Variants in BPI observed in about 807,000 individuals in gnomAD.
The protein encoded by BPI is bactericidal permeability-increasing protein.
In BPI, 48 loss-of-function variants were observed where a neutral mutation model predicts 57.6. The ratio of observed to expected loss-of-function variants is 0.83; its 90% CI spans 0.66 to 1.06. BPI has a LOEUF of 1.06. Among genes scored for constraint, BPI ranks in the 50% least tolerant of loss-of-function variants. The probability of loss-of-function intolerance (pLI) is 0.00; values close to 1 mark genes in which losing one functional copy is unlikely to be tolerated. For missense variants in BPI, 651 were observed against 609.7 expected (o/e 1.07, Z -0.71); for synonymous variants, 237 against 238.2 (o/e 0.99, Z 0.05).
At chr20:38,317,933 G>T in intron 5 of BPI, 1 of 985,272 alleles carries the variant, frequency 1.0e-6, no homozygotes, top group Non-Finnish European at 1.2e-6. Flanking sequence ...GGCTTCTCTG[G>T]CCATACATAC....
At chr20:38,323,148 A>G (rs1295267376) in intron 7 of BPI, among the ~76,000 whole-genome samples, 1 of 152,040 alleles carries the variant, frequency 6.6e-6, no homozygotes, top group Non-Finnish European at 1.5e-5. Flanking sequence ...CCCCAGAACC[A>G]TGTTGATGAT....
chr20:38,319,989 GGTGTCT>G (rs2076672900), intron 6 of BPI, 188 bp from the exon 7 acceptor site: 4 of 596,014 alleles, frequency 6.7e-6, no homozygotes, highest in Non-Finnish European at 1.2e-5. Flanking sequence ...AGAGTAAGGG[GGTGTCT>G]GTGAATGTGG....
At chr20:38,328,295 G>A (rs1437701902) in intron 11 of BPI, among the ~76,000 whole-genome samples, 1 of 151,626 alleles carries the variant, frequency 6.6e-6, no homozygotes, top group East Asian at 2.0e-4. Flanking sequence ...GCTCACGCCT[G>A]TAATCCCAGC....
At chr20:38,326,579 A>T in intron 10 of BPI, 147 bp downstream of exon 10, 1 of 985,102 alleles carries the variant, frequency 1.0e-6, no homozygotes, top group Non-Finnish European at 1.4e-6. Flanking sequence ...ACTGTACTCA[A>T]TGGTGCCGAC....
chr20:38,328,040 C>G (rs748638195), intron 11 of BPI, among the ~76,000 whole-genome samples: 15 of 152,204 alleles, frequency 9.9e-5, no homozygotes, highest in Admixed American at 9.8e-4. Context: ...TTCCTTGACA[C>G]TAGGAGATCC....
intron 5 of BPI, among the ~76,000 whole-genome samples, chr20:38,315,376 GC>G (rs961719156): frequency 2.6e-5 from 4 of 152,170 alleles, no homozygotes; most frequent in Non-Finnish European, 5.9e-5. Flanking sequence ...CAGGGAGTCT[GC>G]CCCCAGGGAA....
chr20:38,334,826 G>A (rs2076759296), intron 13 of BPI, among the ~76,000 whole-genome samples: 1 of 152,092 alleles, frequency 6.6e-6, no homozygotes, highest in Admixed American at 6.5e-5. Flanking sequence ...GCAAGAGATG[G>A]GGCATGGGTT....
intron 5 of BPI, among the ~76,000 whole-genome samples, chr20:38,316,079 C>T (rs949018440): frequency 1.3e-5 from 2 of 151,904 alleles, no homozygotes; most frequent in African/African-American, 4.9e-5. Context: ...AGTGATCCAC[C>T]CACCTCGGCC....
intron 12 of BPI, among the ~76,000 whole-genome samples, chr20:38,332,229 G>A (rs779251922): frequency 5.6e-4 from 85 of 152,166 alleles, no homozygotes; most frequent in Admixed American, 9.2e-4. Flanking sequence ...AAGCCGGTGC[G>A]CTGTTTCCCT....
chr20:38,320,831 G>GTGGA lies in BPI; in HGVS notation c.756+571_756+574dup, dbSNP rs566042713. Among the ~76,000 whole-genome samples, 15 of 141,928 alleles carry GTGGA rather than the reference G, an allele frequency of 1.1e-4. No individual in the cohort carries two copies. The South Asian group carries it at 3.2e-3, about 30-fold the overall frequency. 93.1% of individuals were successfully genotyped at this position (141,928 alleles called of 152,430 possible). On this transcript the variant is annotated intron_variant, in intron 7 of 14. Transcript: ENST00000642449. ...GCTCAATAAATTATTTGTTGGATGG[G>GTGGA]TGGATGGATGGATGGATTAGTGGAT... is the stretch of plus-strand genomic sequence containing the variant.
In BPI at chr20:38,331,135, C is replaced by T. The variant is rs765991731; in HGVS notation, c.1272+45C>T. On this transcript the variant is annotated intron_variant, in intron 12 of 14. Coordinates refer to ENST00000642449, the MANE Select transcript of BPI (RefSeq NM_001725.3). ...TGGCTTCTTCCTCCTTCTGACCTGG[C>T]GGCGGGGAGGGGGACATGTCATAGG... 7.1e-5 allele frequency: 113 copies of T among 1,591,872 alleles called. 1 individual carries two copies. Among genetic ancestry groups the T allele is most frequent in the Middle Eastern group, 3.3e-4 (2 of 6,034 alleles).
At chr20:38,312,022 C>A in intron 5 of BPI, 85 bp downstream of exon 5, 1 of 1,377,474 alleles carries the variant, frequency 7.3e-7, no homozygotes, top group Non-Finnish European at 1.0e-6. Context: ...GGACACTCTG[C>A]TGTCACTCCA....
At chr20:38,327,417 C>T (rs1198683552) in intron 10 of BPI, among the ~76,000 whole-genome samples, 171 bp from the exon 11 acceptor site, 3 of 152,150 alleles carry the variant, frequency 2.0e-5, no homozygotes, top group Non-Finnish European at 2.9e-5. Flanking sequence ...GTTTAGGACT[C>T]AACAGCCACA....
rs142530722 is a variant in BPI, at chr20:38,310,569, G to A, written c.453G>A (p.Thr151=). 96 of 1,614,146 alleles carry A rather than the reference G, an allele frequency of 5.9e-5. No individual in the cohort carries two copies. Among genetic ancestry groups the A allele is most frequent in the Middle Eastern group, 1.6e-4 (1 of 6,062 alleles). The change falls in exon 4 of 15, where the codon ACG becomes ACA. Residue 151 remains threonine, a synonymous_variant. Transcript: ENST00000642449. ...SADLKLGSNP[T]SGKPTITCSS... ...ATCTGAAGCTGGGCAGTAACCCCAC[G>A]TCAGGCAAGCCCACCATCACCTGCT...
intron 10 of BPI, among the ~76,000 whole-genome samples, 182 bp from the exon 11 acceptor site, chr20:38,327,406 A>T (rs535363593): frequency 6.6e-5 from 10 of 152,280 alleles, no homozygotes; most frequent in Admixed American, 5.9e-4. Context: ...GGAAATTGAC[A>T]GTTTAGGACT....
intron 5 of BPI, 110 bp downstream of exon 5, chr20:38,312,047 C>A (rs1339128874): frequency 2.1e-5 from 23 of 1,087,798 alleles, no homozygotes; most frequent in Non-Finnish European, 3.2e-5. Flanking sequence ...CCTTGGTAGT[C>A]CTTATGGCCC....
rs764711741 is a variant in BPI, at chr20:38,326,256, G to A, written c.994-9G>A. ...TCCTTTCGTTGATTGTCTCCACTGG[G>A]GGCTGCAGGTGGCCAAGAAGTTTCC... On this transcript the variant is annotated splice_polypyrimidine_tract_variant and intron_variant, in intron 9 of 14. Transcript: ENST00000642449. The A allele has an allele frequency of 1.2e-6, 2 of 1,609,956 alleles. No individual in the cohort carries two copies. The highest frequency in any genetic ancestry group is 8.5e-7 in the Non-Finnish European group (1 of 1,177,454).
chr20:38,320,642 C>G (rs1466101699), intron 7 of BPI, among the ~76,000 whole-genome samples: 3 of 143,192 alleles, frequency 2.1e-5, no homozygotes, highest in African/African-American at 5.3e-5. Flanking sequence ...TCTTCCCCCA[C>G]ATCCTGCTTT....
chr20:38,324,324 C>T (rs2076701492), intron 8 of BPI, among the ~76,000 whole-genome samples: 5 of 152,078 alleles, frequency 3.3e-5, no homozygotes, highest in Admixed American at 3.3e-4. Context: ...GATAGTAATG[C>T]CTGATTAAAT....
Sources: allele counts gnomAD v4.1 joint callset (sites outside exome capture counted in the v4.1 genomes callset), GRCh38; gene constraint gnomAD v4.1.1; transcripts MANE v1.5; gene names NCBI Gene and HGNC (gene_info 2026-07-23, HGNC 2026-07-21).